Variants in TMEM132C observed in about 807,000 individuals in gnomAD.
TMEM132C encodes transmembrane protein 132C, also known as protein phosphatase 1, regulatory subunit 152.
TMEM132C carries 29 observed loss-of-function variants against 61.4 expected under a neutral mutation model. That is an observed-to-expected ratio of 0.47 (90% confidence interval 0.35 to 0.64). The LOEUF (loss-of-function observed/expected upper bound fraction) is 0.64. Ranked by LOEUF, TMEM132C falls within the 30% of genes least tolerant of loss-of-function variation. The pLI is 0.00. For synonymous variants in TMEM132C, 656 were observed against 633.1 expected, an observed-to-expected ratio of 1.04 and a Z score of -0.54; for missense variants, 1,408 against 1,476.9, an observed-to-expected ratio of 0.95 and a Z score of 0.76.
chr12:128,378,708 G>T (rs1713618), intron 1 of TMEM132C, among the ~76,000 whole-genome samples: 122,198 of 152,056 alleles, frequency 0.8, 50,267 homozygotes, highest in Non-Finnish European at 0.9. Flanking sequence ...AAAAGATGAC[G>T]GGGCTCTCCT....
intron 4 of TMEM132C, among the ~76,000 whole-genome samples, chr12:128,639,007 A>G (rs202165028): frequency 1.5e-4 from 7 of 48,054 alleles, no homozygotes; most frequent in Non-Finnish European, 2.0e-4. Flanking sequence ...GGTGGTGATG[A>G]TGATGGTGGT....
At chr12:128,546,663 A>G (rs187041854) in intron 3 of TMEM132C, among the ~76,000 whole-genome samples, 1 of 152,316 alleles carries the variant, frequency 6.6e-6, no homozygotes, top group Non-Finnish European at 1.5e-5. Flanking sequence ...GAGGCACTGC[A>G]GATGGTTAGA....
intron 3 of TMEM132C, among the ~76,000 whole-genome samples, chr12:128,551,011 G>A (rs1874156794): frequency 6.6e-6 from 1 of 152,164 alleles, no homozygotes; most frequent in Non-Finnish European, 1.5e-5. Flanking sequence ...CAGGCTGCAG[G>A]CTGGGTCATT....
intron 2 of TMEM132C, among the ~76,000 whole-genome samples, chr12:128,441,932 G>A (rs913141121): frequency 4.6e-5 from 7 of 152,138 alleles, no homozygotes; most frequent in Admixed American, 6.5e-5. Context: ...AACCGGAGAG[G>A]CAGAGGTTGC....
At chr12:128,598,831 AGGTGGGGCTGG>A (rs1175848233) in intron 3 of TMEM132C, among the ~76,000 whole-genome samples, 74 of 9,772 alleles carry the variant, frequency 7.6e-3, no homozygotes, top group South Asian at 0.019. Flanking sequence ...GCTGAGCTGG[AGGTGGGGCTGG>A]GGTGGGGCTG....
intron 2 of TMEM132C, among the ~76,000 whole-genome samples, chr12:128,531,370 C>T (rs1036543897): frequency 4.6e-5 from 7 of 152,110 alleles, no homozygotes; most frequent in Admixed American, 1.3e-4. Flanking sequence ...TGAAAAAGAG[C>T]GCTCAATTGG....
chr12:128,628,732 G>A (rs908876803), intron 4 of TMEM132C, among the ~76,000 whole-genome samples: 2 of 152,184 alleles, frequency 1.3e-5, no homozygotes, highest in Admixed American at 6.5e-5. Flanking sequence ...TGCTCCACCC[G>A]GAGGCGAGGG....
intron 1 of TMEM132C, among the ~76,000 whole-genome samples, chr12:128,338,231 C>A (rs1872843886): frequency 6.6e-6 from 1 of 152,148 alleles, no homozygotes; most frequent in Non-Finnish European, 1.5e-5. Flanking sequence ...TTGCACACAG[C>A]ATCTTTTAGA....
rs148400330 is a variant in TMEM132C, at chr12:128,451,644, A to T, written c.974+36024A>T. On this transcript the variant is annotated intron_variant, in intron 2 of 8. Coordinates refer to ENST00000435159, the MANE Select transcript of TMEM132C (RefSeq NM_001136103.3). ...AAATTTGAAGGGGAGTAAGCATTGC[A>T]CTTTCGGTCTGTACAAACAATATTG... 2.6e-4 allele frequency among the ~76,000 whole-genome samples: 40 copies of T among 152,322 alleles called. No homozygotes were observed. In the East Asian group the frequency reaches 7.7e-3, roughly 29 times the overall value.
At chr12:128,528,868 A>G (rs1727688528) in intron 2 of TMEM132C, among the ~76,000 whole-genome samples, 1 of 152,146 alleles carries the variant, frequency 6.6e-6, no homozygotes, top group African/African-American at 2.4e-5. Flanking sequence ...ATACCCCTGA[A>G]GAGCTGTGTA....
intron 2 of TMEM132C, among the ~76,000 whole-genome samples, chr12:128,487,912 G>C (rs77347380): frequency 0.084 from 12,814 of 152,188 alleles, 626 homozygotes; most frequent in Middle Eastern, 0.11. Flanking sequence ...ATGTGTGGCT[G>C]CTTCCATTAA....
At chr12:128,407,382 C>G (rs1875381655) in intron 1 of TMEM132C, among the ~76,000 whole-genome samples, 1 of 152,176 alleles carries the variant, frequency 6.6e-6, no homozygotes, top group African/African-American at 2.4e-5. Flanking sequence ...GGTATTTCTT[C>G]ATAGCAGTAT....
At chr12:128,335,286 A>G (rs1294954613) in intron 1 of TMEM132C, among the ~76,000 whole-genome samples, 1 of 152,204 alleles carries the variant, frequency 6.6e-6, no homozygotes, top group Non-Finnish European at 1.5e-5. Context: ...TTTGCAAAGG[A>G]ATTTGTTATT....
intron 2 of TMEM132C, among the ~76,000 whole-genome samples, chr12:128,486,897 AC>A (rs1439935888): frequency 1.6e-4 from 21 of 128,542 alleles, no homozygotes; most frequent in African/African-American, 2.9e-4. Context: ...ACACACACAC[AC>A]ACACACACAC....
chr12:128,558,809 A>G (rs897772963), intron 3 of TMEM132C, among the ~76,000 whole-genome samples: 3 of 152,380 alleles, frequency 2.0e-5, no homozygotes, highest in African/African-American at 4.8e-5. Flanking sequence ...GTGATTGACT[A>G]TTCTTTGCTT....
chr12:128,537,864 C>T (rs1873591248), intron 2 of TMEM132C, among the ~76,000 whole-genome samples: 2 of 152,150 alleles, frequency 1.3e-5, no homozygotes, highest in South Asian at 4.1e-4. Flanking sequence ...TGACAATGGA[C>T]CACAATTATG....
chr12:128,482,583 C>T (rs763680511), intron 2 of TMEM132C, among the ~76,000 whole-genome samples: 2 of 152,142 alleles, frequency 1.3e-5, no homozygotes, highest in Admixed American at 6.5e-5. Context: ...TGGTAGAATT[C>T]GACTGTGAAT....
rs73422602 is a variant in TMEM132C at position 128,511,688 on chromosome 12, A to T, written c.975-32269A>T. Among the ~76,000 whole-genome samples the T allele has an allele frequency of 5.9e-3, 895 of 152,232 alleles. 8 individuals are homozygous for T. Among genetic ancestry groups the T allele is most frequent in the African/African-American group, 0.021 (875 of 41,534 alleles). On this transcript the variant is annotated intron_variant, in intron 2 of 8. Transcript: ENST00000435159. ...GTCCTGTCTCTCCTGGGGCCCCACC[A>T]CCTAAGTGTGGTGGATATTCTACAC...
At chr12:128,460,151 T>C (rs1397948691) in intron 2 of TMEM132C, among the ~76,000 whole-genome samples, 1 of 152,112 alleles carries the variant, frequency 6.6e-6, no homozygotes, top group Non-Finnish European at 1.5e-5. Flanking sequence ...ATTTCACTTA[T>C]AAGTGACAGA....
Sources: allele counts gnomAD v4.1 joint callset (sites outside exome capture counted in the v4.1 genomes callset), GRCh38; gene constraint gnomAD v4.1.1; transcripts MANE v1.5; gene names NCBI Gene and HGNC (gene_info 2026-07-23, HGNC 2026-07-21).